Variants in ADAMTSL1 observed in about 807,000 individuals in gnomAD.
The protein encoded by ADAMTSL1 is ADAMTS-like protein 1.
In ADAMTSL1, 126 loss-of-function variants were observed where a neutral mutation model predicts 201.8. The observed-to-expected ratio is 0.62, with a 90% CI of 0.54 to 0.72. The LOEUF (loss-of-function observed/expected upper bound fraction) is 0.72, where lower values mean the gene tolerates loss of function less well. Among genes scored for constraint, ADAMTSL1 ranks in the 30% least tolerant of loss-of-function variants. ADAMTSL1 has a pLI of 0.00. For missense variants in ADAMTSL1, 2,679 were observed against 2,277.8 expected, an observed-to-expected ratio of 1.18 and a Z score of -3.59; for synonymous variants, 1,121 against 903.4, an observed-to-expected ratio of 1.24 and a Z score of -4.32.
At chr9:17,935,207 C>G (rs1245820262) in intron 1 of ADAMTSL1, among the ~76,000 whole-genome samples, 1 of 152,032 alleles carries the variant, frequency 6.6e-6, no homozygotes, top group Non-Finnish European at 1.5e-5. Flanking sequence ...CACAGTCATG[C>G]CCTCTTCCTG....
chr9:18,262,672 A>T (rs1022423725), intron 2 of ADAMTSL1, among the ~76,000 whole-genome samples: 1 of 152,204 alleles, frequency 6.6e-6, no homozygotes, highest in Non-Finnish European at 1.5e-5. Flanking sequence ...CAGTATGTTG[A>T]TCACAAATAA....
At chr9:18,283,628 A>G (rs1023129182) in intron 2 of ADAMTSL1, among the ~76,000 whole-genome samples, 32 of 148,470 alleles carry the variant, frequency 2.2e-4, no homozygotes, top group African/African-American at 7.9e-4. Flanking sequence ...AAAAAAAAAA[A>G]AAGGCTGGGT....
intron 23 of ADAMTSL1, among the ~76,000 whole-genome samples, chr9:18,854,933 G>A (rs1181755511): frequency 1.3e-5 from 2 of 152,150 alleles, no homozygotes; most frequent in Non-Finnish European, 2.9e-5. Context: ...TGATCAGATT[G>A]AATTACCCCT....
intron 23 of ADAMTSL1, among the ~76,000 whole-genome samples, chr9:18,862,902 G>C (rs1827298452): frequency 6.6e-6 from 1 of 152,126 alleles, no homozygotes; most frequent in South Asian, 2.1e-4. Context: ...GTTTTTAAAA[G>C]GTATATTTTA....
chr9:18,029,915 G>A (rs2131602935), intron 1 of ADAMTSL1, among the ~76,000 whole-genome samples: 1 of 151,776 alleles, frequency 6.6e-6, no homozygotes, highest in African/African-American at 2.4e-5. Context: ...TGGAGAGGAT[G>A]TGGAGAAATA....
intron 1 of ADAMTSL1, among the ~76,000 whole-genome samples, chr9:18,142,709 G>A (rs1826454162): frequency 6.6e-6 from 1 of 152,168 alleles, no homozygotes; most frequent in Non-Finnish European, 1.5e-5. Context: ...TCTCTAAAAA[G>A]GAGAGTGGCC....
In ADAMTSL1 at chr9:17,974,832, A is replaced by G. The variant is rs111578271; in HGVS notation, c.87+67910A>G. ...GTTGGCTATTATGAATAATGCTGCA[A>G]TGAACATGGGGTTCTTTGGGATAGT... On this transcript the variant is annotated intron_variant, in intron 1 of 29. Coordinates refer to the ADAMTSL1 transcript ENST00000680146. Among the ~76,000 whole-genome samples, 382 of 152,170 alleles carry G rather than the reference A, an allele frequency of 2.5e-3. 2 individuals carry two copies. The highest frequency in any genetic ancestry group is 8.8e-3 in the African/African-American group (364 of 41,550).
chr9:18,864,357 A>C (rs1827379134), intron 23 of ADAMTSL1, among the ~76,000 whole-genome samples: 1 of 152,160 alleles, frequency 6.6e-6, no homozygotes, highest in Admixed American at 6.5e-5. Flanking sequence ...ATCAAAATGA[A>C]CTTTGGCTGT....
At chr9:18,058,530 T>A (rs1822299339) in intron 1 of ADAMTSL1, among the ~76,000 whole-genome samples, 1 of 150,902 alleles carries the variant, frequency 6.6e-6, no homozygotes, top group Admixed American at 6.6e-5. Flanking sequence ...GTGAGCATAT[T>A]TTTTTTTTCA....
chr9:17,922,540 C>T (rs1030067849), intron 1 of ADAMTSL1, among the ~76,000 whole-genome samples: 1 of 152,138 alleles, frequency 6.6e-6, no homozygotes, highest in African/African-American at 2.4e-5. Flanking sequence ...CCCACCCTTC[C>T]CCCTCACCCA....
At chr9:18,835,530 TC>T (rs1563841948) in intron 23 of ADAMTSL1, among the ~76,000 whole-genome samples, 1 of 152,128 alleles carries the variant, frequency 6.6e-6, no homozygotes, top group Non-Finnish European at 1.5e-5. Flanking sequence ...TATTTTAGAT[TC>T]AGGAGGTACA....
chr9:18,887,047 C>G (rs1828944077), intron 23 of ADAMTSL1, among the ~76,000 whole-genome samples: 3 of 152,288 alleles, frequency 2.0e-5, no homozygotes, highest in African/African-American at 7.2e-5. Context: ...TTTTCAATGA[C>G]TTACTGCATT....
At chr9:18,878,567 C>T (rs891539600) in intron 23 of ADAMTSL1, among the ~76,000 whole-genome samples, 1 of 152,230 alleles carries the variant, frequency 6.6e-6, no homozygotes, top group African/African-American at 2.4e-5. Flanking sequence ...CCTTCAGGTT[C>T]CCCAGTGAGG....
chr9:18,112,324 G>A (rs144891693), intron 1 of ADAMTSL1, among the ~76,000 whole-genome samples: 32 of 152,124 alleles, frequency 2.1e-4, no homozygotes, highest in Non-Finnish European at 4.0e-4. Flanking sequence ...TAATCTCCCC[G>A]AGGGGACGTA....
chr9:18,060,810 C>G (rs1318659260), intron 1 of ADAMTSL1, among the ~76,000 whole-genome samples: 1 of 152,120 alleles, frequency 6.6e-6, no homozygotes, highest in Non-Finnish European at 1.5e-5. Context: ...CATTGCTAAT[C>G]TTTTTGCATA....
intron 2 of ADAMTSL1, among the ~76,000 whole-genome samples, chr9:18,524,653 G>T (rs1159373790): frequency 2.0e-5 from 3 of 152,058 alleles, no homozygotes; most frequent in African/African-American, 7.2e-5. Context: ...AGCATGAAGG[G>T]GTGTTGAATT....
chr9:18,156,774 C>T (rs1827172611), intron 1 of ADAMTSL1, among the ~76,000 whole-genome samples: 1 of 151,994 alleles, frequency 6.6e-6, no homozygotes, highest in Non-Finnish European at 1.5e-5. Flanking sequence ...TTCATGTGTT[C>T]TTTCATTGTC....
intron 15 of ADAMTSL1, among the ~76,000 whole-genome samples, chr9:18,746,049 C>T (rs776478083): frequency 2.0e-5 from 3 of 152,260 alleles, no homozygotes; most frequent in South Asian, 2.1e-4. Flanking sequence ...TGCAGTGCCC[C>T]GTTGCCCCCA....
chr9:18,584,313 C>A (rs1706987596), intron 4 of ADAMTSL1, among the ~76,000 whole-genome samples: 1 of 151,392 alleles, frequency 6.6e-6, no homozygotes, highest in Admixed American at 6.6e-5. Flanking sequence ...AAGCTCTCTT[C>A]TTTTGTCTGC....
Sources: gnomAD v4.1 joint callset for allele counts (sites outside exome capture counted in the v4.1 genomes callset) on GRCh38, gnomAD v4.1.1 for gene constraint, MANE v1.5 for transcripts, NCBI Gene and HGNC (gene_info 2026-07-23, HGNC 2026-07-21) for gene names.